BNC2: variants seen among roughly 807,000 people sequenced by gnomAD.
BNC2 encodes the protein basonuclin zinc finger protein 2, also known as zinc finger protein basonuclin-2.
In BNC2, 20 loss-of-function variants were observed where a neutral mutation model predicts 76.3. That is an observed-to-expected ratio of 0.26 (90% CI 0.18 to 0.38). BNC2 has a LOEUF of 0.38. Ranked by LOEUF, BNC2 falls within the 10% of genes least tolerant of loss-of-function variation. The pLI, the probability that BNC2 is intolerant of heterozygous loss-of-function variation, is 1.00. For synonymous variants in BNC2, 582 were observed against 514.8 expected (o/e 1.13, Z -1.77); for missense variants, 1,382 against 1,399.8 (o/e 0.99, Z 0.20).
chr9:16,668,041 G>T (rs538326961), intron 3 of BNC2, among the ~76,000 whole-genome samples: 2 of 152,326 alleles, frequency 1.3e-5, no homozygotes, highest in East Asian at 1.9e-4. Context: ...AGACGCAATG[G>T]TAAGTGCTGA....
chr9:16,628,681 G>A (rs772043294), intron 3 of BNC2, among the ~76,000 whole-genome samples: 4 of 152,062 alleles, frequency 2.6e-5, no homozygotes, highest in African/African-American at 4.8e-5. Flanking sequence ...CTGCAAAAAA[G>A]TTCTATGATT....
intron 1 of BNC2, among the ~76,000 whole-genome samples, chr9:16,841,969 C>T (rs1254570884): frequency 1.3e-5 from 2 of 152,094 alleles, no homozygotes; most frequent in African/African-American, 4.8e-5. Context: ...ACTACCACGT[C>T]CATCTAATTT....
intron 4 of BNC2, chr9:16,580,142 A>C (rs973161478): frequency 1.3e-5 from 5 of 398,444 alleles, no homozygotes; most frequent in Admixed American, 8.8e-5. Context: ...ACACGATTTC[A>C]GGGTTTCTGT....
At chr9:16,861,378 TAA>T (rs2136208880) in intron 1 of BNC2, among the ~76,000 whole-genome samples, 1 of 151,526 alleles carries the variant, frequency 6.6e-6, no homozygotes, top group East Asian at 1.9e-4. Context: ...AATAAATAAA[TAA>T]AGACAACCCA....
intron 5 of BNC2, among the ~76,000 whole-genome samples, chr9:16,545,022 G>A (rs1331012180): frequency 6.6e-6 from 1 of 152,146 alleles, no homozygotes; most frequent in Admixed American, 6.5e-5. Context: ...CTACCAAAAA[G>A]TGAAACCAAG....
chr9:16,486,962 G>A (rs912197921), intron 5 of BNC2, among the ~76,000 whole-genome samples: 1 of 152,116 alleles, frequency 6.6e-6, no homozygotes, highest in Non-Finnish European at 1.5e-5. Flanking sequence ...TCCCATCTTG[G>A]CCTCAAAAAG....
Position 16,436,217 on chromosome 9 carries a change from GTCA to G in BNC2, c.1974_1976del (p.Asp659del), listed in dbSNP as rs760421539. On this transcript the variant is annotated inframe_deletion, in exon 6 of 7. Transcript: ENST00000380672. ...TGACCACAGCTCCACCATCATTGGG[GTCA>G]TCATCTTCATCATCAAACTCATCGG... 8 of 1,614,148 alleles carry G rather than the reference GTCA, an allele frequency of 5.0e-6. No homozygotes were observed. In the South Asian group the frequency reaches 7.7e-5, roughly 16 times the overall value.
In BNC2 at chr9:16,716,038, G is replaced by A. The variant is rs1366716391; in HGVS notation, c.330+11759C>T. Among the ~76,000 whole-genome samples the A allele has an allele frequency of 2.6e-4, 39 of 152,198 alleles. 1 individual carries two copies. The highest frequency in any genetic ancestry group is 2.6e-3 in the Admixed American group (39 of 15,280). On this transcript the variant is annotated intron_variant, in intron 3 of 6. Coordinates refer to ENST00000380672, the MANE Select transcript of BNC2 (RefSeq NM_017637.6). ...CCAGAACTGATGACCCAGCCTTACA[G>A]AGTGGTTCAACAATCTTTACATTGG...
At chr9:16,843,619 C>G (rs1039754984) in intron 1 of BNC2, among the ~76,000 whole-genome samples, 7 of 152,232 alleles carry the variant, frequency 4.6e-5, no homozygotes, top group African/African-American at 1.7e-4. Flanking sequence ...CAGGCGTGAG[C>G]CACCATGCCC....
At chr9:16,518,694 G>A (rs1422360271) in intron 5 of BNC2, among the ~76,000 whole-genome samples, 6 of 151,880 alleles carry the variant, frequency 4.0e-5, no homozygotes, top group South Asian at 2.1e-4. Flanking sequence ...TCTGTCTCCC[G>A]GGTTCACGTG....
At chr9:16,779,159 C>T (rs1009596715) in intron 1 of BNC2, among the ~76,000 whole-genome samples, 1 of 116,494 alleles carries the variant, frequency 8.6e-6, no homozygotes, top group Non-Finnish European at 1.9e-5. Flanking sequence ...AAAAAACCAG[C>T]CAAGCATGGT....
chr9:16,853,493 G>A (rs1189731091), intron 1 of BNC2, among the ~76,000 whole-genome samples: 1 of 151,014 alleles, frequency 6.6e-6, no homozygotes, highest in African/African-American at 2.4e-5. Context: ...TTTAATCCAT[G>A]TTCTACAATT....
At chr9:16,838,826 G>A (rs181108411) in intron 1 of BNC2, among the ~76,000 whole-genome samples, 27 of 152,284 alleles carry the variant, frequency 1.8e-4, no homozygotes, top group Admixed American at 1.6e-3. Context: ...CTTATGCTAG[G>A]TTGGGTGATT....
At chr9:16,558,253 C>T (rs1480704574) in intron 4 of BNC2, among the ~76,000 whole-genome samples, 1 of 152,192 alleles carries the variant, frequency 6.6e-6, no homozygotes, top group African/African-American at 2.4e-5. Context: ...GGCAAGTGAC[C>T]TAAGTCTGGA....
Position 16,794,877 on chromosome 9 carries a change from T to C in BNC2, c.4-56392A>G, listed in dbSNP as rs561794952. Among the ~76,000 whole-genome samples, 8 of 148,624 alleles carry C rather than the reference T, an allele frequency of 5.4e-5. 1 individual carries two copies. The East Asian group carries it at 1.7e-3, about 32-fold the overall frequency. ...CTCAAGAAGAAGTGTCAGGCTCAAA[T>C]TACAACAGCTTATCTGATGGGGGAA... On this transcript the variant is annotated intron_variant, in intron 1 of 6. Coordinates refer to ENST00000380672, the MANE Select transcript of BNC2 (RefSeq NM_017637.6).
intron 1 of BNC2, among the ~76,000 whole-genome samples, chr9:16,841,814 G>T (rs903785167): frequency 3.4e-5 from 5 of 146,726 alleles, no homozygotes; most frequent in Non-Finnish European, 6.0e-5. Context: ...TATCAAATTT[G>T]TTTTTTTTTT....
chr9:16,494,553 A>C (rs1372927683), intron 5 of BNC2, among the ~76,000 whole-genome samples: 1 of 152,144 alleles, frequency 6.6e-6, no homozygotes, highest in African/African-American at 2.4e-5. Context: ...TCAGGGCAAG[A>C]GTCATTGAGA....
intron 4 of BNC2, among the ~76,000 whole-genome samples, chr9:16,561,468 A>C (rs1455868313): frequency 6.6e-6 from 1 of 152,154 alleles, no homozygotes; most frequent in Non-Finnish European, 1.5e-5. Context: ...AAGGCCTTCC[A>C]TGAGGTATGC....
Position 16,708,986 on chromosome 9 carries a change from G to C in BNC2, c.330+18811C>G, listed in dbSNP as rs540281034. 3.3e-5 allele frequency among the ~76,000 whole-genome samples: 5 copies of C among 152,274 alleles called. No individual in the cohort carries two copies. In the South Asian group the frequency reaches 1.0e-3, roughly 32 times the overall value. The stretch of plus-strand genomic sequence containing the variant: ...TATAACGCTTCACCCTATACACTTG[G>C]ATTATCTATCTGTGTCAGCGATTTG... On this transcript the variant is annotated intron_variant, in intron 3 of 6. Transcript: ENST00000380672.
Sources: gnomAD v4.1 joint callset for allele counts (sites outside exome capture counted in the v4.1 genomes callset) on GRCh38, gnomAD v4.1.1 for gene constraint, MANE v1.5 for transcripts, NCBI Gene and HGNC (gene_info 2026-07-23, HGNC 2026-07-21) for gene names.